SYNGR1: variants seen among roughly 807,000 people sequenced by gnomAD.
SYNGR1 encodes synaptogyrin 1.
A neutral mutation model predicts 26.1 loss-of-function variants in SYNGR1; 14 were observed. The ratio of observed to expected loss-of-function variants is 0.54; its 90% CI spans 0.35 to 0.84. The LOEUF (loss-of-function observed/expected upper bound fraction) is 0.84, where lower values mean the gene tolerates loss of function less well. Among genes scored for constraint, SYNGR1 ranks in the 40% least tolerant of loss-of-function variants. SYNGR1 has a pLI of 0.01. For synonymous variants in SYNGR1, 141 were observed against 150.1 expected, an observed-to-expected ratio of 0.94 and a Z score of 0.44; for missense variants, 319 against 332.9, an observed-to-expected ratio of 0.96 and a Z score of 0.33.
chr22:39,384,671 C>G lies in SYNGR1; in HGVS notation c.*2757C>G. The G allele has an allele frequency of 2.5e-6, 1 of 399,154 alleles. No individual in the cohort carries two copies. Among genetic ancestry groups the G allele is most frequent in the Non-Finnish European group, 4.4e-6 (1 of 226,110 alleles). The allele number at this position is 399,154 out of a possible 1,614,324, so 24.7% of individuals were successfully genotyped here. A position where few individuals can be genotyped will look rare whatever the true frequency, so the allele number is the denominator to read the frequency against. ...ATCCCTTTTCCTCCCAGCTGCCCTC[C>G]CCTACTTCTCCCTTGCTCCCAAAGC... On this transcript the variant is annotated 3_prime_UTR_variant, in exon 4 of 4. Transcript: ENST00000328933.
intron 2 of SYNGR1, chr22:39,375,836 C>G (rs563101215): frequency 1.5e-6 from 1 of 671,488 alleles, no homozygotes; most frequent in Non-Finnish European, 2.7e-6. Context: ...GCCTCCTCCC[C>G]CCTGCATCTG....
intron 1 of SYNGR1, among the ~76,000 whole-genome samples, chr22:39,361,629 G>C (rs1924475484): frequency 6.6e-6 from 1 of 151,806 alleles, no homozygotes; most frequent in African/African-American, 2.4e-5. Flanking sequence ...CAAAGTGCCG[G>C]GATTACAGCC....
At position 39,368,300 on chromosome 22, in the gene SYNGR1, T is replaced by A. The variant is rs149915524; in HGVS notation, c.100-6016T>A. On this transcript the variant is annotated intron_variant, in intron 1 of 3. Transcript: ENST00000328933. Reference sequence around the variant, plus strand: ...AGAAACTGAGGCTCAAGAGGTTAAGTCAGTGGCCTTAGGTCACCCCACTGG... The same window carrying A: ...AGAAACTGAGGCTCAAGAGGTTAAGACAGTGGCCTTAGGTCACCCCACTGG... 2.1e-3 allele frequency among the ~76,000 whole-genome samples: 317 copies of A among 152,304 alleles called. 1 individual carries two copies. Among genetic ancestry groups the A allele is most frequent in the African/African-American group, 7.1e-3 (294 of 41,558 alleles).
chr22:39,382,016 T>A lies in SYNGR1; in HGVS notation c.*102T>A. 7.5e-7 allele frequency: 1 copy of A among 1,329,988 alleles called. No homozygotes were observed. The allele number at this position is 1,329,988 out of a possible 1,614,324, so 82.4% of individuals were successfully genotyped here. The stretch of plus-strand genomic sequence containing the variant: ...TGCCCTGCCCAGCGCCTCATCAGCC[T>A]CTGCCTTGTCCCACTGAGGTCCAGG... On this transcript the variant is annotated 3_prime_UTR_variant, in exon 4 of 4. Transcript: ENST00000328933.
At chr22:39,378,527 C>A (rs1337094162) in intron 3 of SYNGR1, 2 of 919,920 alleles carry the variant, frequency 2.2e-6, no homozygotes, top group Non-Finnish European at 1.3e-6. Context: ...TTGAGGCCCC[C>A]AGCTGCCTGG....
At chr22:39,363,064 C>T (rs1254999660) in intron 1 of SYNGR1, among the ~76,000 whole-genome samples, 1 of 151,984 alleles carries the variant, frequency 6.6e-6, no homozygotes, top group African/African-American at 2.4e-5. Context: ...TTGAGATGTG[C>T]GTGTTGAGGA....
chr22:39,366,220 C>CTCAAGTGA (rs1429187745), intron 1 of SYNGR1, among the ~76,000 whole-genome samples: 1 of 151,502 alleles, frequency 6.6e-6, no homozygotes, highest in Non-Finnish European at 1.5e-5. Context: ...ATCACTCACC[C>CTCAAGTGA]TCAAGTGATC....
intron 3 of SYNGR1, among the ~76,000 whole-genome samples, chr22:39,379,029 T>C (rs1925408379): frequency 6.6e-6 from 1 of 152,150 alleles, no homozygotes; most frequent in Admixed American, 6.5e-5. Context: ...GCCAGGGAGC[T>C]CGGGGAGAAC....
chr22:39,381,850 C>T lies in SYNGR1; in HGVS notation c.638C>T (p.Thr213Ile), dbSNP rs770734119. The change falls in exon 4 of 4, where the codon ACC (threonine) becomes ATC (isoleucine). Residue 213 changes from threonine to isoleucine, a missense_variant. Physicochemically the swap from Thr to Ile is moderately conservative, Grantham distance 89. Transcript: ENST00000328933. ...TGPDPAGMGGTYQQPANTFDT... is the reference protein window; with the variant it reads ...TGPDPAGMGGIYQQPANTFDT... The stretch of plus-strand genomic sequence containing the variant: ...CCGGATCCCGCCGGTATGGGCGGCA[C>T]CTACCAGCAGCCGGCCAACACCTTC... 4 of 1,612,834 alleles carry T rather than the reference C, an allele frequency of 2.5e-6. No homozygotes were observed. Among genetic ancestry groups the T allele is most frequent in the Non-Finnish European group, 3.4e-6 (4 of 1,179,900 alleles).
chr22:39,359,148 TG>T (rs1321625233), intron 1 of SYNGR1, among the ~76,000 whole-genome samples: 1 of 152,176 alleles, frequency 6.6e-6, no homozygotes, highest in Non-Finnish European at 1.5e-5. Context: ...GCCTGTTCAG[TG>T]GGGGCTGCTT....
At chr22:39,358,208 T>G in intron 1 of SYNGR1, among the ~76,000 whole-genome samples, 1 of 152,216 alleles carries the variant, frequency 6.6e-6, no homozygotes, top group South Asian at 2.1e-4. Flanking sequence ...TTGGAGAACC[T>G]GTGTGTCCAA....
At position 39,350,993 on chromosome 22, in the gene SYNGR1, A is replaced by C. The variant is rs886067203; in HGVS notation, c.99+884A>C. Among the ~76,000 whole-genome samples, 5 of 152,324 alleles carry C rather than the reference A, an allele frequency of 3.3e-5. 1 individual carries two copies. In the South Asian group the frequency reaches 1.0e-3, roughly 32 times the overall value. ...CAGAGGGCTGAGTGGGCTCTTGTTCAGACGGGTGGTCAGGGAGAGGATGGG... is the reference window on the plus strand; with the variant it reads ...CAGAGGGCTGAGTGGGCTCTTGTTCCGACGGGTGGTCAGGGAGAGGATGGG... On this transcript the variant is annotated intron_variant, in intron 1 of 3. Transcript: ENST00000328933. The surrounding 1 kb of genome is among the most constrained non-coding windows in gnomAD (Gnocchi z 4.3).
chr22:39,350,341 C>T lies in SYNGR1; in HGVS notation c.99+232C>T, dbSNP rs1923844575. On this transcript the variant is annotated intron_variant, in intron 1 of 3. Coordinates refer to ENST00000328933, the MANE Select transcript of SYNGR1 (RefSeq NM_004711.5). This position sits in a 1 kb window ranked among gnomAD's most constrained non-coding sequence, Gnocchi z 4.3. ...GGAGACGCCGCTCCGGCTCCCGGAG[C>T]CCTGGTTTCCTGGGGCCCCCGGTTC... 6.6e-6 allele frequency among the ~76,000 whole-genome samples: 1 copy of T among 152,092 alleles called. No individual in the cohort carries two copies.
intron 1 of SYNGR1, among the ~76,000 whole-genome samples, chr22:39,354,296 C>G (rs1486713071): frequency 6.6e-6 from 1 of 152,186 alleles, no homozygotes; most frequent in African/African-American, 2.4e-5. Flanking sequence ...GGTATCTTCC[C>G]CCCGTTTTAC....
intron 1 of SYNGR1, among the ~76,000 whole-genome samples, chr22:39,373,861 C>T (rs918746707): frequency 6.6e-6 from 1 of 152,208 alleles, no homozygotes; most frequent in Non-Finnish European, 1.5e-5. Context: ...CAGCCCACAG[C>T]TCTGCAGAGG....
At chr22:39,358,169 ACT>A (rs1394765017) in intron 1 of SYNGR1, among the ~76,000 whole-genome samples, 1 of 152,106 alleles carries the variant, frequency 6.6e-6, no homozygotes. Flanking sequence ...ACCAATCGAC[ACT>A]CTGTATCTAG....
At chr22:39,360,225 C>T (rs1461634210) in intron 1 of SYNGR1, among the ~76,000 whole-genome samples, 1 of 152,194 alleles carries the variant, frequency 6.6e-6, no homozygotes, top group Non-Finnish European at 1.5e-5. Context: ...CATCAGTTCT[C>T]TCTCCCTCTC....
chr22:39,382,058 G>C lies in SYNGR1; in HGVS notation c.*144G>C. 1 of 866,598 alleles carries C rather than the reference G, an allele frequency of 1.2e-6. No individual in the cohort carries two copies. Among genetic ancestry groups the C allele is most frequent in the Non-Finnish European group, 1.8e-6 (1 of 547,440 alleles). 53.7% of individuals were successfully genotyped at this position (866,598 alleles called of 1,614,324 possible). On this transcript the variant is annotated 3_prime_UTR_variant, in exon 4 of 4. Transcript: ENST00000328933. ...AGGTCCAGGGTAGCTCGGGGCAGGG[G>C]TGGGGCAGTCCAGTGTTGGGGACTG...
intron 3 of SYNGR1, among the ~76,000 whole-genome samples, chr22:39,378,613 A>C (rs1225935696): frequency 6.6e-6 from 1 of 152,222 alleles, no homozygotes; most frequent in Non-Finnish European, 1.5e-5. Context: ...CCCCCAAAGC[A>C]ATGCCTCAAC....
Sources: gnomAD v4.1 joint callset for allele counts (sites outside exome capture counted in the v4.1 genomes callset) on GRCh38, gnomAD v4.1.1 for gene constraint, Gnocchi (gnomAD v3.1) non-coding constraint, MANE v1.5 for transcripts, NCBI Gene and HGNC (gene_info 2026-07-23, HGNC 2026-07-21) for gene names.